The following PHF3 variants were observed in gnomAD, a reference collection of about 807,000 sequenced individuals.
PHF3 encodes PHD finger protein 3.
A neutral mutation model predicts 178.4 loss-of-function variants in PHF3; 41 were observed. That is an observed-to-expected ratio of 0.23 (90% confidence interval 0.18 to 0.30). The LOEUF (loss-of-function observed/expected upper bound fraction) is 0.30, where lower values mean the gene tolerates loss of function less well. PHF3 is among the 10% of genes least tolerant of loss of function. PHF3 has a pLI of 1.00. For missense variants in PHF3, 2,346 were observed against 2,398.1 expected (o/e 0.98, Z 0.45); for synonymous variants, 842 against 800.5 (o/e 1.05, Z -0.88).
At chr6:63,642,322 A>G (rs1764611111) in intron 1 of PHF3, among the ~76,000 whole-genome samples, 1 of 152,188 alleles carries the variant, frequency 6.6e-6, no homozygotes, top group Admixed American at 6.5e-5. Context: ...TTCCTCTGTG[A>G]AGCCCTTCAA....
chr6:63,693,695 C>CGT (rs1767106287), intron 5 of PHF3, among the ~76,000 whole-genome samples: 2 of 152,326 alleles, frequency 1.3e-5, no homozygotes, highest in South Asian at 4.1e-4. Context: ...AGAAAAGAAT[C>CGT]TGAGGTGAGT....
chr6:63,659,939 G>A (rs917863186), intron 2 of PHF3, among the ~76,000 whole-genome samples: 1 of 151,794 alleles, frequency 6.6e-6, no homozygotes, highest in African/African-American at 2.4e-5. Context: ...AATTTTTTTT[G>A]CCTTCAAGTA....
intron 2 of PHF3, among the ~76,000 whole-genome samples, chr6:63,678,481 C>T (rs1169024050): frequency 6.6e-6 from 1 of 151,946 alleles, no homozygotes; most frequent in African/African-American, 2.4e-5. Context: ...ATGCTTATAG[C>T]AGGAAATTTG....
At chr6:63,696,688 A>T (rs1306047016) in intron 6 of PHF3, among the ~76,000 whole-genome samples, 1 of 152,194 alleles carries the variant, frequency 6.6e-6, no homozygotes, top group African/African-American at 2.4e-5. Context: ...GCCTGTGAGG[A>T]AAGAGGAGAA....
intron 11 of PHF3, among the ~76,000 whole-genome samples, chr6:63,704,817 A>G (rs918967886): frequency 1.3e-5 from 2 of 152,158 alleles, no homozygotes; most frequent in African/African-American, 4.8e-5. Context: ...GAAACCTCCA[A>G]ACTATTTTTC....
Position 63,713,684 on chromosome 6 carries a change from T to C in PHF3, c.6096T>C (p.Thr2032=). 1.3e-6 allele frequency: 2 copies of C among 1,568,282 alleles called. No homozygotes were observed. Among genetic ancestry groups the C allele is most frequent in the African/African-American group, 1.4e-5 (1 of 72,282 alleles). Residue 2032 remains threonine, a synonymous_variant, in exon 16 of 16, where the codon ACT becomes ACC. Coordinates refer to ENST00000262043, the MANE Select transcript of PHF3 (RefSeq NM_001370348.2). ...GGTACCACAAAGATAGGGACCACAC[T>C]GACAGAACTAAAAGCAAAAGGTAAA... The part of the protein sequence containing the change: ...RDRYHKDRDH[T]DRTKSKR
intron 2 of PHF3, among the ~76,000 whole-genome samples, chr6:63,649,541 G>T (rs1029741676): frequency 6.6e-6 from 1 of 152,138 alleles, no homozygotes; most frequent in Non-Finnish European, 1.5e-5. Context: ...AACCAGGCTG[G>T]TTTCGGACCA....
At position 63,713,452 on chromosome 6, in the gene PHF3, A is replaced by G; in HGVS notation, c.5864A>G (p.Lys1955Arg). The change falls in exon 16 of 16, where the codon AAG becomes AGG. Residue 1955 changes from lysine (K) to arginine (R), a missense_variant. By Grantham distance (26) the Lys-to-Arg change is conservative. This residue lies in a region of PHF3 where 839 missense variants were observed against 806.9 expected (regional missense o/e 1.04). Transcript: ENST00000262043. ...RHRRRDRSQD[K>R]DRDRKSREEG... is the part of the protein sequence containing the mutation. ...AGACGCAGAGACAGAAGCCAAGACAAGGACAGAGACAGAAAAAGCAGGGAG... is the reference window on the plus strand; with the variant it reads ...AGACGCAGAGACAGAAGCCAAGACAGGGACAGAGACAGAAAAAGCAGGGAG... 2 of 1,613,980 alleles carry G rather than the reference A, an allele frequency of 1.2e-6. No individual in the cohort carries two copies. The highest frequency in any genetic ancestry group is 8.5e-7 in the Non-Finnish European group (1 of 1,179,958).
chr6:63,685,972 T>C, intron 4 of PHF3, 61 bp downstream of exon 4: 1 of 1,146,752 alleles, frequency 8.7e-7, no homozygotes, highest in Non-Finnish European at 1.3e-6. Flanking sequence ...TTTTTGGGGG[T>C]GGGATTAATG....
intron 2 of PHF3, among the ~76,000 whole-genome samples, chr6:63,673,169 CT>C (rs1380292164): frequency 6.6e-6 from 1 of 151,934 alleles, no homozygotes; most frequent in African/African-American, 2.4e-5. Flanking sequence ...AGGATTAACA[CT>C]TTAACATGGC....
intron 8 of PHF3, among the ~76,000 whole-genome samples, chr6:63,699,100 C>T (rs532610639): frequency 3.9e-5 from 6 of 152,176 alleles, no homozygotes; most frequent in Admixed American, 3.3e-4. Flanking sequence ...AGTATTATAG[C>T]AGTAGAGTAA....
In PHF3 at chr6:63,716,892, C is replaced by T. The variant is rs1768206612; in HGVS notation, c.*3184C>T. The stretch of plus-strand genomic sequence containing the variant: ...GGTAATGTTCCTATTTTCAGGTCAG[C>T]TGATGAGCAACTTAAATTCCATCTG... On this transcript the variant is annotated 3_prime_UTR_variant, in exon 16 of 16. Transcript: ENST00000262043. Among the ~76,000 whole-genome samples, 1 of 152,016 alleles carries T rather than the reference C, an allele frequency of 6.6e-6. No homozygotes were observed. Among genetic ancestry groups the T allele is most frequent in the Non-Finnish European group, 1.5e-5 (1 of 67,982 alleles).
chr6:63,654,809 C>T (rs1197983), intron 2 of PHF3, among the ~76,000 whole-genome samples: 20,464 of 151,250 alleles, frequency 0.14, 1,510 homozygotes, highest in African/African-American at 0.19. Context: ...ATAGGATTTT[C>T]GCTTTTGCTG....
Position 63,721,372 on chromosome 6 carries a change from C to T in PHF3, c.*7664C>T. ...GTGCCATTTACTGTACATTCACCTC[C>T]ATTTCTGCATGTGTTGTACCCACAG... On this transcript the variant is annotated 3_prime_UTR_variant, in exon 16 of 16. Transcript: ENST00000262043. The T allele has an allele frequency of 6.4e-7, 1 of 1,551,850 alleles. No homozygotes were observed. Among genetic ancestry groups the T allele is most frequent in the South Asian group, 1.2e-5 (1 of 84,064 alleles).
rs1561994323 is a variant in PHF3 at position 63,721,704 on chromosome 6, ACT to A, written c.*7997_*7998del. 1 of 1,551,364 alleles carries A rather than the reference ACT, an allele frequency of 6.4e-7. No individual in the cohort carries two copies. The highest frequency in any genetic ancestry group is 2.0e-5 in the Admixed American group (1 of 50,976). Reference sequence around the variant, plus strand: ...ATGCCAAGTACTTCCGTTTATAGTTACTTTTTGGAGAGTTTCTAGAATGATAG... The same window carrying A: ...ATGCCAAGTACTTCCGTTTATAGTTATTTTGGAGAGTTTCTAGAATGATAG... On this transcript the variant is annotated 3_prime_UTR_variant, in exon 16 of 16. Transcript: ENST00000262043.
chr6:63,680,013 C>T lies in PHF3; in HGVS notation c.258C>T (p.Asp86=), dbSNP rs368894996. 132 of 1,609,020 alleles carry T rather than the reference C, an allele frequency of 8.2e-5. No individual in the cohort carries two copies. Among genetic ancestry groups the T allele is most frequent in the Non-Finnish European group, 1.0e-4 (120 of 1,177,860 alleles). ...GTTTTTTTCTAGTTGTTGGTCTTGA[C>T]GATATTATGGATGAAGGAGTTGTTA... ...QMPCSTVVGL[D]DIMDEGVVKE... Residue 86 remains aspartate, a synonymous_variant, in exon 3 of 16, where the codon GAC becomes GAT. Coordinates refer to ENST00000262043, the MANE Select transcript of PHF3 (RefSeq NM_001370348.2).
chr6:63,660,871 T>C (rs1394533033), intron 2 of PHF3, among the ~76,000 whole-genome samples: 2 of 152,208 alleles, frequency 1.3e-5, no homozygotes, highest in African/African-American at 2.4e-5. Context: ...TTCAACAATG[T>C]TGCTCTCCTG....
intron 1 of PHF3, among the ~76,000 whole-genome samples, chr6:63,639,819 C>T (rs2149533437): frequency 6.6e-6 from 1 of 152,296 alleles, no homozygotes; most frequent in Middle Eastern, 3.4e-3. Flanking sequence ...TGGGTTGTTA[C>T]TCCCTAGGCC....
At position 63,684,502 on chromosome 6, in the gene PHF3, GACTTGTGTT is replaced by G; in HGVS notation, c.784_792del (p.Cys262_Thr264del). ...AATTAAATTGTTCACTTCTTTCAGA[GACTTGTGTT>G]ACTATTGGAGAAAAGAAAAATGAAG... On this transcript the variant is annotated inframe_deletion, in exon 4 of 16. Transcript: ENST00000262043. The G allele has an allele frequency of 6.2e-7, 1 of 1,613,680 alleles. No individual in the cohort carries two copies. The highest frequency in any genetic ancestry group is 2.2e-5 in the East Asian group (1 of 44,868).
Sources: gnomAD v4.1 joint callset for allele counts (sites outside exome capture counted in the v4.1 genomes callset) on GRCh38, gnomAD v4.1.1 for gene constraint, gnomAD v4.1.1 regional missense constraint, MANE v1.5 for transcripts, NCBI Gene and HGNC (gene_info 2026-07-23, HGNC 2026-07-21) for gene names.